The following DNTT variants were observed in gnomAD, a reference collection of about 807,000 sequenced individuals.
DNTT encodes DNA nucleotidylexotransferase, also known as nucleosidetriphosphate:DNA deoxynucleotidylexotransferase.
In DNTT, 47 loss-of-function variants were observed where a neutral mutation model predicts 60.9. That is an observed-to-expected ratio of 0.77 (90% CI 0.61 to 0.98). The LOEUF (loss-of-function observed/expected upper bound fraction) is 0.98, where lower values mean the gene tolerates loss of function less well. Among genes scored for constraint, DNTT ranks in the 50% least tolerant of loss-of-function variants. DNTT has a pLI of 0.00. For missense variants in DNTT, 665 were observed against 627.5 expected, an observed-to-expected ratio of 1.06 and a Z score of -0.64; for synonymous variants, 224 against 221.2, an observed-to-expected ratio of 1.01 and a Z score of -0.11.
At position 96,318,384 on chromosome 10, in the gene DNTT, A is replaced by G. The variant is rs764493303; in HGVS notation, c.236A>G (p.Asn79Ser). 6.2e-6 allele frequency: 10 copies of G among 1,613,268 alleles called. No individual in the cohort carries two copies. Among genetic ancestry groups the G allele is most frequent in the Non-Finnish European group, 8.5e-6 (10 of 1,179,630 alleles). Residue 79 changes from asparagine to serine, a missense_variant, in exon 2 of 11, where the codon AAC becomes AGC. Asn to Ser is a conservative substitution (Grantham distance 46). Transcript: ENST00000371174. ...GTCACCCACATCGTAGCAGAGAACA[A>G]CTCGGGTTCGGATGTTCTGGAGTGG... ...DSVTHIVAEN[N>S]SGSDVLEWLQ... is the part of the protein sequence containing the mutation.
At position 96,335,996 on chromosome 10, in the gene DNTT, G is replaced by GCCA. The variant is rs774715988; in HGVS notation, c.1443+22_1443+23insCCA. ...CAAGGTACAGTTCTCTTCCTAAAAGGGGCTACTTTGATCCTCATCCCCAAG... is the reference window on the plus strand; with the variant it reads ...CAAGGTACAGTTCTCTTCCTAAAAGGCCAGGCTACTTTGATCCTCATCCCCAAG... On this transcript the variant is annotated intron_variant, in intron 10 of 10. Coordinates refer to ENST00000371174, the MANE Select transcript of DNTT (RefSeq NM_004088.4). 5.0e-6 allele frequency: 8 copies of GCCA among 1,612,704 alleles called. No individual in the cohort carries two copies. In the African/African-American group the frequency reaches 1.1e-4, roughly 22 times the overall value.
In DNTT at chr10:96,338,343, G is replaced by A; in HGVS notation, c.*119G>A. 1.2e-6 allele frequency: 1 copy of A among 857,280 alleles called. No individual in the cohort carries two copies. The highest frequency in any genetic ancestry group is 1.8e-6 in the Non-Finnish European group (1 of 568,296). The allele number at this position is 857,280 out of a possible 1,614,324, so 53.1% of individuals were successfully genotyped here. On this transcript the variant is annotated 3_prime_UTR_variant, in exon 11 of 11. Coordinates refer to ENST00000371174, the MANE Select transcript of DNTT (RefSeq NM_004088.4). Reference sequence around the variant, plus strand: ...TTTAGGTCTTATTGAAATGCAGATTGCTACTAGAAATAAATAACTTTGGAA... The same window carrying A: ...TTTAGGTCTTATTGAAATGCAGATTACTACTAGAAATAAATAACTTTGGAA...
intron 1 of DNTT, among the ~76,000 whole-genome samples, chr10:96,307,475 C>A (rs1844653622): frequency 6.7e-6 from 1 of 148,500 alleles, no homozygotes; most frequent in South Asian, 2.1e-4. Flanking sequence ...CTGCCTAAGC[C>A]TCCTGAACAG....
At position 96,323,749 on chromosome 10, in the gene DNTT, G is replaced by A. The variant is rs566632918; in HGVS notation, c.751-517G>A. Among the ~76,000 whole-genome samples the A allele has an allele frequency of 3.9e-5, 6 of 152,334 alleles. No individual in the cohort carries two copies. The South Asian group carries it at 1.2e-3, about 32-fold the overall frequency. The stretch of plus-strand genomic sequence containing the variant: ...CCAGTTCCTTCAAAGCAAAAGTGAT[G>A]TACAGGCCTAAAATATGGCCATGAG... On this transcript the variant is annotated intron_variant, in intron 5 of 10. Coordinates refer to ENST00000371174, the MANE Select transcript of DNTT (RefSeq NM_004088.4).
intron 8 of DNTT, among the ~76,000 whole-genome samples, chr10:96,330,375 C>A (rs1844992255): frequency 6.9e-6 from 1 of 144,900 alleles, no homozygotes; most frequent in Non-Finnish European, 1.5e-5. Context: ...TCATGTGAGA[C>A]TTGTTCATAT....
At chr10:96,322,847 T>A in intron 5 of DNTT, 119 bp downstream of exon 5, 3 of 710,138 alleles carry the variant, frequency 4.2e-6, no homozygotes, top group Non-Finnish European at 6.8e-6. Flanking sequence ...TGGCGTGGCT[T>A]AAACAACAGA....
At position 96,324,288 on chromosome 10, in the gene DNTT, T is replaced by C. The variant is rs1844914358; in HGVS notation, c.773T>C (p.Val258Ala). The C allele has an allele frequency of 6.2e-7, 1 of 1,613,346 alleles. No individual in the cohort carries two copies. Among genetic ancestry groups the C allele is most frequent in the Non-Finnish European group, 8.5e-7 (1 of 1,179,588 alleles). Reference sequence around the variant, plus strand: ...TAGCTCTTTACTTCTGTATTTGGAGTGGGGCTGAAGACTTCTGAGAAGTGG... The same window carrying C: ...TAGCTCTTTACTTCTGTATTTGGAGCGGGGCTGAAGACTTCTGAGAAGTGG... ...SFKLFTSVFGVGLKTSEKWFR... is the reference protein window; with the variant it reads ...SFKLFTSVFGAGLKTSEKWFR... Residue 258 changes from valine (V) to alanine (A), a missense_variant, in exon 6 of 11, where the codon GTG becomes GCG. Physicochemically the swap from Val to Ala is moderately conservative, Grantham distance 64. Transcript: ENST00000371174.
rs143101012 is a variant in DNTT, at chr10:96,324,929, G to T, written c.874+540G>T. Among the ~76,000 whole-genome samples the T allele has an allele frequency of 2.0e-3, 306 of 152,254 alleles. 3 individuals are homozygous for T. The highest frequency in any genetic ancestry group is 6.8e-3 in the Middle Eastern group (2 of 294). Reference sequence around the variant, plus strand: ...TGTAAAACACCAGGAAAATAGAAGGGAACTGGTGGAAATCTAGGCACAGGG... The same window carrying T: ...TGTAAAACACCAGGAAAATAGAAGGTAACTGGTGGAAATCTAGGCACAGGG... On this transcript the variant is annotated intron_variant, in intron 6 of 10. Transcript: ENST00000371174.
At chr10:96,328,243 C>G (rs1309357282) in intron 7 of DNTT, among the ~76,000 whole-genome samples, 1 of 152,220 alleles carries the variant, frequency 6.6e-6, no homozygotes, top group East Asian at 1.9e-4. Context: ...TCCTCTACCT[C>G]TTTCTCCAGC....
At chr10:96,332,682 G>A (rs1285719603) in intron 9 of DNTT, 86 bp downstream of exon 9, 10 of 1,551,306 alleles carry the variant, frequency 6.4e-6, no homozygotes, top group African/African-American at 2.7e-5. Flanking sequence ...AGAGATGACG[G>A]CAACAGGGGC....
At chr10:96,318,266 T>C (rs1449045208) in intron 1 of DNTT, 86 bp from the exon 2 acceptor site, 3 of 1,476,940 alleles carry the variant, frequency 2.0e-6, no homozygotes, top group East Asian at 4.6e-5. Flanking sequence ...CTCCATCAGA[T>C]GGAATGCTCA....
rs748332482 is a variant in DNTT at position 96,335,985 on chromosome 10, C to T, written c.1443+11C>T. ...TATGACAAGACCAAGGTACAGTTCT[C>T]TTCCTAAAAGGGGCTACTTTGATCC... On this transcript the variant is annotated intron_variant, in intron 10 of 10. Coordinates refer to ENST00000371174, the MANE Select transcript of DNTT (RefSeq NM_004088.4). The T allele has an allele frequency of 1.9e-6, 3 of 1,614,072 alleles. No individual in the cohort carries two copies. Among genetic ancestry groups the T allele is most frequent in the Admixed American group, 1.7e-5 (1 of 60,030 alleles).
At chr10:96,315,755 A>G (rs1048314891) in intron 1 of DNTT, among the ~76,000 whole-genome samples, 1 of 151,388 alleles carries the variant, frequency 6.6e-6, no homozygotes. Context: ...ATGTATCATA[A>G]GTATAATAAT....
chr10:96,319,190 C>T (rs1844830773), intron 2 of DNTT, 72 bp from the exon 3 acceptor site: 2 of 1,521,754 alleles, frequency 1.3e-6, no homozygotes. Flanking sequence ...CAACTACTTC[C>T]AAATTTTTTC....
intron 1 of DNTT, among the ~76,000 whole-genome samples, chr10:96,308,778 G>A (rs1388482019): frequency 2.6e-5 from 4 of 152,198 alleles, no homozygotes; most frequent in Non-Finnish European, 5.9e-5. Context: ...TGGGCAGGGG[G>A]CGGATCTCAA....
At chr10:96,318,793 G>C (rs1425044370) in intron 2 of DNTT, among the ~76,000 whole-genome samples, 1 of 152,174 alleles carries the variant, frequency 6.6e-6, no homozygotes, top group Non-Finnish European at 1.5e-5. Context: ...GGCATCTAAC[G>C]AGTGGTCGCT....
intron 1 of DNTT, among the ~76,000 whole-genome samples, chr10:96,305,857 T>C (rs181428153): frequency 1.2e-3 from 190 of 152,338 alleles, no homozygotes; most frequent in Middle Eastern, 0.01. Flanking sequence ...CAGAAATTCC[T>C]GAATTTCCTA....
At chr10:96,307,954 T>C (rs182759823) in intron 1 of DNTT, among the ~76,000 whole-genome samples, 208 of 151,750 alleles carry the variant, frequency 1.4e-3, no homozygotes, top group Non-Finnish European at 2.2e-3. Context: ...GAGATGGGGT[T>C]CCGCCATGTT....
chr10:96,309,192 A>G (rs896261790), intron 1 of DNTT, among the ~76,000 whole-genome samples: 6 of 152,200 alleles, frequency 3.9e-5, no homozygotes, highest in Admixed American at 6.5e-5. Flanking sequence ...CATCCTTCCT[A>G]GACTTCCATA....
Sources: gnomAD v4.1 joint callset for allele counts (sites outside exome capture counted in the v4.1 genomes callset) on GRCh38, gnomAD v4.1.1 for gene constraint, MANE v1.5 for transcripts, NCBI Gene and HGNC (gene_info 2026-07-23, HGNC 2026-07-21) for gene names.